OIT3: variants seen among roughly 807,000 people sequenced by gnomAD.
The protein encoded by OIT3 is oncoprotein induced transcript 3, also known as oncoprotein-induced transcript 3 protein.
Under a neutral mutation model 52.2 loss-of-function variants are expected in OIT3, and 41 were observed. The observed-to-expected ratio is 0.79, with a 90% CI of 0.61 to 1.02. OIT3 has a LOEUF of 1.02. Ranked by LOEUF, OIT3 falls within the 50% of genes least tolerant of loss-of-function variation. The probability of loss-of-function intolerance (pLI) is 0.00; values close to 1 mark genes in which losing one functional copy is unlikely to be tolerated. For synonymous variants in OIT3, 244 were observed against 276.9 expected (o/e 0.88, Z 1.18); for missense variants, 634 against 715.5 (o/e 0.89, Z 1.30).
At chr10:72,907,980 C>A (rs528619981) in intron 4 of OIT3, among the ~76,000 whole-genome samples, 2 of 152,324 alleles carry the variant, frequency 1.3e-5, no homozygotes, top group Admixed American at 6.5e-5. Flanking sequence ...TAGTGGCTTA[C>A]GCCTGTAATC....
chr10:72,906,376 G>C (rs1845978880), intron 3 of OIT3, among the ~76,000 whole-genome samples: 1 of 152,112 alleles, frequency 6.6e-6, no homozygotes, highest in Non-Finnish European at 1.5e-5. Context: ...AAGGTAATTG[G>C]CAAGCAATTA....
intron 6 of OIT3, among the ~76,000 whole-genome samples, chr10:72,923,172 T>C (rs960549281): frequency 6.6e-6 from 1 of 152,232 alleles, no homozygotes; most frequent in Non-Finnish European, 1.5e-5. Flanking sequence ...CCACCGTGCC[T>C]GGCCTTTCCC....
intron 6 of OIT3, among the ~76,000 whole-genome samples, chr10:72,914,219 T>C (rs1004017954): frequency 8.6e-5 from 13 of 151,912 alleles, no homozygotes; most frequent in African/African-American, 3.1e-4. Context: ...TACTGGAAAA[T>C]GAAACCGGAA....
At chr10:72,894,426 T>C (rs1845855940) in intron 1 of OIT3, among the ~76,000 whole-genome samples, 1 of 152,208 alleles carries the variant, frequency 6.6e-6, no homozygotes, top group Admixed American at 6.5e-5. Flanking sequence ...ATTTCTCTCT[T>C]GCATCTTTTT....
rs1052663694 is a variant in OIT3, at chr10:72,898,820, T to C, written c.218T>C (p.Phe73Ser). The change falls in exon 2 of 9, where the codon TTC (phenylalanine) becomes TCC (serine). Residue 73 changes from phenylalanine (F) to serine (S), a missense_variant. Coordinates refer to ENST00000334011, the MANE Select transcript of OIT3 (RefSeq NM_152635.3). ...TGMAGDAMPTFCIPENHCGTH... is the reference protein window; with the variant it reads ...TGMAGDAMPTSCIPENHCGTH... Reference sequence around the variant, plus strand: ...ATGGCGGGAGATGCCATGCCTACCTTCTGCATACCAGAAAACCACTGTGGA... The same window carrying C: ...ATGGCGGGAGATGCCATGCCTACCTCCTGCATACCAGAAAACCACTGTGGA... The C allele has an allele frequency of 1.2e-6, 2 of 1,613,976 alleles. No individual in the cohort carries two copies. Among genetic ancestry groups the C allele is most frequent in the Non-Finnish European group, 1.7e-6 (2 of 1,180,010 alleles).
chr10:72,911,409 G>A (rs989116598), intron 4 of OIT3, among the ~76,000 whole-genome samples: 1 of 151,990 alleles, frequency 6.6e-6, no homozygotes, highest in Non-Finnish European at 1.5e-5. Flanking sequence ...ATGACTTTTG[G>A]GTCCTAGTCC....
intron 7 of OIT3, among the ~76,000 whole-genome samples, chr10:72,925,896 C>A (rs901607097): frequency 6.6e-6 from 1 of 152,206 alleles, no homozygotes; most frequent in Non-Finnish European, 1.5e-5. Flanking sequence ...TGTGAGACAC[C>A]ATGTTTGGCC....
chr10:72,895,006 A>C (rs1438240634), intron 1 of OIT3, among the ~76,000 whole-genome samples: 2 of 152,204 alleles, frequency 1.3e-5, no homozygotes, highest in African/African-American at 4.8e-5. Context: ...GAATCTGAAT[A>C]AGTGTGGACT....
intron 6 of OIT3, among the ~76,000 whole-genome samples, chr10:72,922,371 T>C (rs559459917): frequency 6.6e-6 from 1 of 152,328 alleles, no homozygotes; most frequent in South Asian, 2.1e-4. Context: ...GAGGTTTTGT[T>C]CATTCCTTTT....
chr10:72,896,060 T>C (rs1455733132), intron 1 of OIT3, among the ~76,000 whole-genome samples: 1 of 152,144 alleles, frequency 6.6e-6, no homozygotes, highest in Non-Finnish European at 1.5e-5. Flanking sequence ...TAATTAGTTA[T>C]AGAAGATGGT....
At chr10:72,916,759 G>A (rs1846076588) in intron 6 of OIT3, among the ~76,000 whole-genome samples, 1 of 152,132 alleles carries the variant, frequency 6.6e-6, no homozygotes, top group Non-Finnish European at 1.5e-5. Flanking sequence ...ACCACACGGT[G>A]TTCCACAATG....
chr10:72,901,345 CTG>C (rs1337499094), intron 3 of OIT3, among the ~76,000 whole-genome samples: 3 of 152,092 alleles, frequency 2.0e-5, no homozygotes, highest in Admixed American at 2.0e-4. Context: ...GTCAGATTGT[CTG>C]TAGGAAATCC....
In OIT3 at chr10:72,932,456, G is replaced by A. The variant is rs778681489; in HGVS notation, c.1570G>A (p.Glu524Lys). The A allele has an allele frequency of 1.2e-6, 2 of 1,614,120 alleles. No individual in the cohort carries two copies. The highest frequency in any genetic ancestry group is 2.7e-5 in the African/African-American group (2 of 75,062). The change falls in exon 9 of 9, where the codon GAG becomes AAG. Residue 524 changes from glutamate (E) to lysine (K), a missense_variant. Coordinates refer to ENST00000334011, the MANE Select transcript of OIT3 (RefSeq NM_152635.3). ...GCGAATGCGTCGTGGGGCAGGAGGAGAGGACTCAGCCGGTCTACAGGGCCA... is the reference window on the plus strand; with the variant it reads ...GCGAATGCGTCGTGGGGCAGGAGGAAAGGACTCAGCCGGTCTACAGGGCCA... ...HRRMRRGAGG[E>K]DSAGLQGQTL... is the part of the protein sequence containing the mutation.
At chr10:72,910,902 A>C (rs188675971) in intron 4 of OIT3, among the ~76,000 whole-genome samples, 1 of 152,224 alleles carries the variant, frequency 6.6e-6, no homozygotes, top group South Asian at 2.1e-4. Flanking sequence ...TGTGCCAATA[A>C]AACTTTATTT....
At chr10:72,912,927 A>T (rs1208546164) in intron 5 of OIT3, among the ~76,000 whole-genome samples, 2 of 152,192 alleles carry the variant, frequency 1.3e-5, no homozygotes, top group Non-Finnish European at 2.9e-5. Context: ...TCACAGCAGT[A>T]TCGTTATGTA....
intron 3 of OIT3, among the ~76,000 whole-genome samples, chr10:72,901,652 C>T (rs1845935815): frequency 1.3e-5 from 2 of 151,988 alleles, no homozygotes; most frequent in South Asian, 4.2e-4. Context: ...CTTGCTCTGT[C>T]GCCCAGGCTG....
chr10:72,929,530 C>T (rs1332249186), intron 7 of OIT3, among the ~76,000 whole-genome samples: 1 of 152,082 alleles, frequency 6.6e-6, no homozygotes, highest in East Asian at 1.9e-4. Flanking sequence ...CGTGCCTCAG[C>T]CTCCTGAGTA....
chr10:72,917,351 G>C (rs774696176), intron 6 of OIT3, among the ~76,000 whole-genome samples: 4 of 151,730 alleles, frequency 2.6e-5, no homozygotes, highest in Non-Finnish European at 5.9e-5. Flanking sequence ...TATTTCATGT[G>C]TATATTTTTG....
chr10:72,898,088 GCCTGGGCAAGATGCCAAAAC>G (rs1306834382), intron 1 of OIT3, among the ~76,000 whole-genome samples: 6 of 148,162 alleles, frequency 4.0e-5, no homozygotes, highest in Non-Finnish European at 8.9e-5. Flanking sequence ...TTCAAAACCA[GCCTGGGCAAGATGCCAAAAC>G]CCTATCTCTA....
Sources: allele counts gnomAD v4.1 joint callset (sites outside exome capture counted in the v4.1 genomes callset), GRCh38; gene constraint gnomAD v4.1.1; transcripts MANE v1.5; gene names NCBI Gene and HGNC (gene_info 2026-07-23, HGNC 2026-07-21).